The following MYO3B variants were observed in gnomAD, a reference collection of about 807,000 sequenced individuals.
MYO3B encodes the protein myosin-IIIb.
A neutral mutation model predicts 174.6 loss-of-function variants in MYO3B; 156 were observed. The ratio of observed to expected loss-of-function variants is 0.89; its 90% CI spans 0.78 to 1.02. The LOEUF (loss-of-function observed/expected upper bound fraction) is 1.02, where lower values mean the gene tolerates loss of function less well. Ranked by LOEUF, MYO3B falls within the 50% of genes least tolerant of loss-of-function variation. MYO3B has a pLI of 0.00. For synonymous variants in MYO3B, 563 were observed against 569.1 expected (o/e 0.99, Z 0.15); for missense variants, 1,632 against 1,639.4 (o/e 1.00, Z 0.08).
intron 32 of MYO3B, among the ~76,000 whole-genome samples, chr2:170,549,375 A>G (rs1690737646): frequency 6.6e-6 from 1 of 152,194 alleles, no homozygotes; most frequent in African/African-American, 2.4e-5. Flanking sequence ...GGGATGTAGT[A>G]GAGCCACCAG....
At chr2:170,198,298 CTCT>C (rs1176590932) in intron 1 of MYO3B, among the ~76,000 whole-genome samples, 1 of 152,152 alleles carries the variant, frequency 6.6e-6, no homozygotes, top group Admixed American at 6.5e-5. Context: ...GCGTATTTCT[CTCT>C]TCTTTTATGT....
At chr2:170,326,331 A>T (rs6755204) in intron 7 of MYO3B, among the ~76,000 whole-genome samples, 102,452 of 151,560 alleles carry the variant, frequency 0.68, 38,926 homozygotes, top group East Asian at 0.91. Flanking sequence ...TAATTTTTTT[A>T]AAAAAATTAT....
intron 32 of MYO3B, among the ~76,000 whole-genome samples, chr2:170,631,768 G>A (rs1289931056): frequency 6.6e-6 from 1 of 152,118 alleles, no homozygotes; most frequent in Non-Finnish European, 1.5e-5. Flanking sequence ...AATGTGCAGA[G>A]ACACACACAG....
At chr2:170,269,429 C>T (rs904982223) in intron 7 of MYO3B, among the ~76,000 whole-genome samples, 1 of 151,990 alleles carries the variant, frequency 6.6e-6, no homozygotes. Context: ...ATTTTTTTTC[C>T]CCACCTATCA....
At chr2:170,601,486 T>C (rs1158592918) in intron 32 of MYO3B, among the ~76,000 whole-genome samples, 4 of 152,234 alleles carry the variant, frequency 2.6e-5, no homozygotes, top group East Asian at 1.9e-4. Context: ...AAAAAGACAC[T>C]GTACAGTGTA....
chr2:170,403,025 T>A (rs2094488094), intron 19 of MYO3B, 30 bp downstream of exon 19: 1 of 1,546,456 alleles, frequency 6.5e-7, no homozygotes, highest in Non-Finnish European at 8.8e-7. Flanking sequence ...TAACTAAACT[T>A]GATGGGGAAA....
chr2:170,444,843 C>CAG, intron 23 of MYO3B, among the ~76,000 whole-genome samples: 1 of 152,284 alleles, frequency 6.6e-6, no homozygotes, highest in Non-Finnish European at 1.5e-5. Flanking sequence ...TTCAACCTTG[C>CAG]TACTTCACGG....
chr2:170,493,850 G>A (rs1686662334), intron 25 of MYO3B, among the ~76,000 whole-genome samples: 1 of 152,138 alleles, frequency 6.6e-6, no homozygotes, highest in South Asian at 2.1e-4. Flanking sequence ...AGGAGCTGAG[G>A]CCTCCTGCCA....
chr2:170,447,377 A>G (rs72878250), intron 23 of MYO3B, among the ~76,000 whole-genome samples: 9,869 of 152,222 alleles, frequency 0.065, 419 homozygotes, highest in Non-Finnish European at 0.083. Context: ...AAATTCTTCT[A>G]AAGAGGCTTT....
At chr2:170,560,717 G>C (rs1377421727) in intron 32 of MYO3B, among the ~76,000 whole-genome samples, 1 of 152,070 alleles carries the variant, frequency 6.6e-6, no homozygotes, top group Non-Finnish European at 1.5e-5. Context: ...ACAATGGCTG[G>C]GTTCTCCCAA....
intron 32 of MYO3B, among the ~76,000 whole-genome samples, chr2:170,559,500 G>A (rs1480497187): frequency 6.6e-6 from 1 of 152,066 alleles, no homozygotes; most frequent in Non-Finnish European, 1.5e-5. Context: ...CATGCCTGGG[G>A]GATTATTGGC....
At chr2:170,493,526 C>T (rs16858501) in intron 25 of MYO3B, among the ~76,000 whole-genome samples, 2,351 of 152,174 alleles carry the variant, frequency 0.015, 45 homozygotes, top group African/African-American at 0.051. Flanking sequence ...AGATAGAAGA[C>T]TTGATGAGCT....
At chr2:170,217,258 C>A in intron 5 of MYO3B, 61 bp from the exon 6 acceptor site, 1 of 1,461,628 alleles carries the variant, frequency 6.8e-7, no homozygotes, top group Non-Finnish European at 9.6e-7. Flanking sequence ...AAAAGTCTGC[C>A]GATTGCTGGT....
intron 32 of MYO3B, among the ~76,000 whole-genome samples, chr2:170,549,969 G>T (rs764980499): frequency 6.6e-6 from 1 of 152,138 alleles, no homozygotes; most frequent in Non-Finnish European, 1.5e-5. Flanking sequence ...CTCAAAGGCC[G>T]CATAATCTCC....
At chr2:170,326,008 C>G (rs982152954) in intron 7 of MYO3B, among the ~76,000 whole-genome samples, 23 of 152,138 alleles carry the variant, frequency 1.5e-4, no homozygotes, top group African/African-American at 5.6e-4. Flanking sequence ...TAAAACAACT[C>G]TTTTAAAATA....
intron 9 of MYO3B, among the ~76,000 whole-genome samples, chr2:170,372,748 G>A (rs1251805743): frequency 3.3e-5 from 5 of 152,172 alleles, no homozygotes; most frequent in Non-Finnish European, 5.9e-5. Flanking sequence ...GGGTTGGGAT[G>A]GTAGGGGAAG....
chr2:170,439,976 G>C (rs943797319), intron 22 of MYO3B, among the ~76,000 whole-genome samples: 1 of 152,242 alleles, frequency 6.6e-6, no homozygotes, highest in African/African-American at 2.4e-5. Context: ...CACCATGCCT[G>C]GCTATAGTTT....
intron 22 of MYO3B, among the ~76,000 whole-genome samples, chr2:170,413,717 C>T (rs2094560228): frequency 6.6e-6 from 1 of 151,828 alleles, no homozygotes; most frequent in Admixed American, 6.6e-5. Flanking sequence ...CATAACTATG[C>T]CTAGTTGTTC....
chr2:170,567,467 T>C (rs1692140721), intron 32 of MYO3B, among the ~76,000 whole-genome samples: 1 of 152,234 alleles, frequency 6.6e-6, no homozygotes, highest in Non-Finnish European at 1.5e-5. Flanking sequence ...GACCTAAAAG[T>C]ATGACATTCC....
Sources: allele counts gnomAD v4.1 joint callset (sites outside exome capture counted in the v4.1 genomes callset), GRCh38; gene constraint gnomAD v4.1.1; transcripts MANE v1.5; gene names NCBI Gene and HGNC (gene_info 2026-07-23, HGNC 2026-07-21).